NPNT: variants seen among roughly 807,000 people sequenced by gnomAD.
The protein encoded by NPNT is preosteoblast EGF-like repeat protein with MAM domain.
In NPNT, 45 loss-of-function variants were observed where a neutral mutation model predicts 68.6. That is an observed-to-expected ratio of 0.66 (90% CI 0.52 to 0.84). NPNT has a LOEUF of 0.84. NPNT is among the 40% of genes least tolerant of loss of function. The pLI is 0.00. For synonymous variants in NPNT, 233 were observed against 253.3 expected, an observed-to-expected ratio of 0.92 and a Z score of 0.76; for missense variants, 672 against 714.8, an observed-to-expected ratio of 0.94 and a Z score of 0.68.
Position 105,912,330 on chromosome 4 carries a change from C to A in NPNT, c.172+14329C>A. 6.8e-6 allele frequency: 6 copies of A among 882,786 alleles called. No individual in the cohort carries two copies. In the South Asian group the frequency reaches 9.6e-5, roughly 14 times the overall value. 54.7% of individuals were successfully genotyped at this position (882,786 alleles called of 1,614,324 possible). On this transcript the variant is annotated intron_variant, in intron 2 of 11. Transcript: ENST00000379987. ...TAATTTTACAAAGCTGTAAACAAAA[C>A]ATTAGTTGTGTTTTTGAATTGCTTC...
chr4:105,916,987 G>GACCTTATT (rs34341456), intron 2 of NPNT, among the ~76,000 whole-genome samples: 11,094 of 152,050 alleles, frequency 0.073, 718 homozygotes, highest in African/African-American at 0.18. Flanking sequence ...CCTACCTTAT[G>GACCTTATT]ACCTTATTAC....
In NPNT at chr4:105,916,060, A is replaced by T. The variant is rs565635228; in HGVS notation, c.173-11276A>T. Among the ~76,000 whole-genome samples, 33 of 152,266 alleles carry T rather than the reference A, an allele frequency of 2.2e-4. No individual in the cohort carries two copies. In the East Asian group the frequency reaches 6.0e-3, roughly 28 times the overall value. On this transcript the variant is annotated intron_variant, in intron 2 of 11. Coordinates refer to ENST00000379987, the MANE Select transcript of NPNT (RefSeq NM_001033047.3). ...AAGCATTGTAAGCAACTAATAATTCAACATTTGTTTATATCAAGGGCTGAA... is the reference window on the plus strand; with the variant it reads ...AAGCATTGTAAGCAACTAATAATTCTACATTTGTTTATATCAAGGGCTGAA...
chr4:105,901,004 C>T (rs1207473828), intron 2 of NPNT, among the ~76,000 whole-genome samples: 2 of 152,080 alleles, frequency 1.3e-5, no homozygotes, highest in Non-Finnish European at 2.9e-5. Context: ...TATGTTCACA[C>T]ACTGATGATT....
chr4:105,914,478 TATAGAGAGAGAGATA>T (rs1454561189), intron 2 of NPNT, among the ~76,000 whole-genome samples: 2 of 138,758 alleles, frequency 1.4e-5, no homozygotes, highest in African/African-American at 5.4e-5. Flanking sequence ...ATATTATATA[TATAGAGAGAGAGATA>T]ATGGAGAGAG....
At chr4:105,921,165 T>G (rs1252775675) in intron 2 of NPNT, among the ~76,000 whole-genome samples, 2 of 152,184 alleles carry the variant, frequency 1.3e-5, no homozygotes, top group African/African-American at 4.8e-5. Context: ...TACTTTTATG[T>G]TTTTAATCAT....
chr4:105,951,432 A>G (rs2149390433), intron 8 of NPNT, among the ~76,000 whole-genome samples: 1 of 152,252 alleles, frequency 6.6e-6, no homozygotes, highest in South Asian at 2.1e-4. Context: ...TCTCTCTTCT[A>G]CAGATTTTAC....
At chr4:105,959,378 G>A (rs1578683818) in intron 10 of NPNT, among the ~76,000 whole-genome samples, 1 of 152,120 alleles carries the variant, frequency 6.6e-6, no homozygotes, top group African/African-American at 2.4e-5. Flanking sequence ...CAAAAAGCTT[G>A]ATAAATAAAA....
intron 2 of NPNT, among the ~76,000 whole-genome samples, chr4:105,905,801 A>G (rs971508872): frequency 2.6e-5 from 4 of 152,190 alleles, no homozygotes. Flanking sequence ...CTGTATTAGT[A>G]TAGTAATTGA....
chr4:105,895,795 TC>T, intron 1 of NPNT, 72 bp downstream of exon 1: 1 of 1,342,722 alleles, frequency 7.4e-7, no homozygotes, highest in Non-Finnish European at 1.0e-6. Flanking sequence ...GGGTCACTTT[TC>T]CCCGCGGGGT....
At position 105,970,478 on chromosome 4, in the gene NPNT, G is replaced by A; in HGVS notation, c.*1488G>A. 1.4e-6 allele frequency: 1 copy of A among 696,670 alleles called. No individual in the cohort carries two copies. The highest frequency in any genetic ancestry group is 2.7e-5 in the East Asian group (1 of 37,008). 43.2% of individuals were successfully genotyped at this position (696,670 alleles called of 1,614,324 possible). On this transcript the variant is annotated 3_prime_UTR_variant, in exon 12 of 12. Coordinates refer to ENST00000379987, the MANE Select transcript of NPNT (RefSeq NM_001033047.3). ...TTGAGCCTGGAGAAGAGAAGACTGAGGGGCAAACCATTGATGGTTTTCAAG... is the reference window on the plus strand; with the variant it reads ...TTGAGCCTGGAGAAGAGAAGACTGAAGGGCAAACCATTGATGGTTTTCAAG...
chr4:105,942,737 G>T, intron 8 of NPNT, 35 bp downstream of exon 8: 1 of 1,548,706 alleles, frequency 6.5e-7, no homozygotes, highest in Non-Finnish European at 8.7e-7. Context: ...TTTTCAATAG[G>T]CTCTTTATAA....
intron 2 of NPNT, among the ~76,000 whole-genome samples, chr4:105,903,783 CTTTT>C (rs746122761): frequency 1.6e-5 from 2 of 126,982 alleles, no homozygotes; most frequent in Non-Finnish European, 1.7e-5. Flanking sequence ...GACCTTCTTA[CTTTT>C]TTTTTTTTTT....
intron 2 of NPNT, among the ~76,000 whole-genome samples, chr4:105,914,423 A>G (rs1303589511): frequency 2.2e-5 from 3 of 138,484 alleles, no homozygotes; most frequent in Middle Eastern, 3.3e-3. Context: ...ATATTATAAT[A>G]TATATATTAT....
At position 105,959,478 on chromosome 4, in the gene NPNT, AT is replaced by A. The variant is rs547040914; in HGVS notation, c.1345+353del. 1.8e-4 allele frequency among the ~76,000 whole-genome samples: 27 copies of A among 151,698 alleles called. No individual in the cohort carries two copies. The South Asian group carries it at 5.4e-3, about 31-fold the overall frequency. On this transcript the variant is annotated intron_variant, in intron 10 of 11. Coordinates refer to ENST00000379987, the MANE Select transcript of NPNT (RefSeq NM_001033047.3). ...GAAGTAATATAGTGGTATATCAGCC[AT>A]GGTAATAGGCATTCCCCAGTTGTTT... is the stretch of plus-strand genomic sequence containing the variant.
intron 2 of NPNT, 178 bp from the exon 3 acceptor site, chr4:105,927,158 A>T: frequency 2.0e-6 from 1 of 488,926 alleles, no homozygotes; most frequent in South Asian, 2.9e-5. Context: ...CATACATAAC[A>T]CATGTGTGTG....
At chr4:105,964,113 C>G (rs1731941356) in intron 10 of NPNT, among the ~76,000 whole-genome samples, 1 of 152,148 alleles carries the variant, frequency 6.6e-6, no homozygotes, top group African/African-American at 2.4e-5. Flanking sequence ...TAAGTACTAT[C>G]CACTAAACAT....
At chr4:105,897,105 A>G (rs1725921607) in intron 1 of NPNT, among the ~76,000 whole-genome samples, 1 of 152,220 alleles carries the variant, frequency 6.6e-6, no homozygotes, top group Non-Finnish European at 1.5e-5. Context: ...TGATACCCAG[A>G]GGAAAAAAGT....
rs58193089 is a variant in NPNT, at chr4:105,959,081, G to A, written c.1300G>A (p.Glu434Lys). The change falls in exon 10 of 12, where the codon GAG becomes AAG. Residue 434 changes from glutamate (E) to lysine (K), a missense_variant. Glu to Lys is a moderately conservative substitution (Grantham distance 56, BLOSUM62 1). Transcript: ENST00000379987. ...CCATGGACTTTGTGGATGGATCAGG[G>A]AGAAAGACAATGACTTGCACTGGGA... The part of the protein sequence containing the change: ...FDHGLCGWIR[E>K]KDNDLHWEPI... 2.5e-6 allele frequency: 4 copies of A among 1,613,696 alleles called. No individual in the cohort carries two copies. Among genetic ancestry groups the A allele is most frequent in the African/African-American group, 1.3e-5 (1 of 75,028 alleles).
At chr4:105,920,337 A>C (rs1459459681) in intron 2 of NPNT, among the ~76,000 whole-genome samples, 1 of 148,966 alleles carries the variant, frequency 6.7e-6, no homozygotes, top group Non-Finnish European at 1.5e-5. Context: ...TTAGGGAATG[A>C]AATATTTAGA....
Sources: gnomAD v4.1 joint callset for allele counts (sites outside exome capture counted in the v4.1 genomes callset) on GRCh38, gnomAD v4.1.1 for gene constraint, MANE v1.5 for transcripts, NCBI Gene and HGNC (gene_info 2026-07-23, HGNC 2026-07-21) for gene names.